RBPJ: variants seen among roughly 807,000 people sequenced by gnomAD.
RBPJ encodes recombining binding protein suppressor of hairless.
Under a neutral mutation model 67.8 loss-of-function variants are expected in RBPJ, and 9 were observed. That is an observed-to-expected ratio of 0.13 (90% CI 0.08 to 0.23). The LOEUF (loss-of-function observed/expected upper bound fraction) is 0.23. Ranked by LOEUF, RBPJ falls within the 10% of genes least tolerant of loss-of-function variation. The pLI is 1.00. For synonymous variants in RBPJ, 198 were observed against 203.3 expected (o/e 0.97, Z 0.22); for missense variants, 305 against 595.6 (o/e 0.51, Z 5.08).
intron 1 of RBPJ, among the ~76,000 whole-genome samples, chr4:26,287,900 C>T (rs932392294): frequency 1.3e-5 from 2 of 152,062 alleles, no homozygotes; most frequent in Non-Finnish European, 2.9e-5. Flanking sequence ...ATTTAAATGT[C>T]TTTGAGCATC....
At chr4:26,319,914 C>T (rs760849134), upstream of RBPJ, 57 of 1,587,080 alleles carry the variant, frequency 3.6e-5, no homozygotes, top group Non-Finnish European at 4.3e-5. Flanking sequence ...GGGATTCGGG[C>T]CCTTCACCCT....
chr4:26,302,912 G>A (rs1438755799), intron 1 of RBPJ, among the ~76,000 whole-genome samples: 3 of 152,038 alleles, frequency 2.0e-5, no homozygotes, highest in Non-Finnish European at 4.4e-5. Flanking sequence ...TGGGCGCAGT[G>A]GCCTACATCT....
intron 1 of RBPJ, among the ~76,000 whole-genome samples, chr4:26,285,561 A>G (rs757948845): frequency 1.3e-5 from 2 of 151,822 alleles, no homozygotes; most frequent in Non-Finnish European, 2.9e-5. Flanking sequence ...AAAAAATAGA[A>G]TGTGAGAGAA....
the RBPJ span, among the ~76,000 whole-genome samples, chr4:26,121,353 GC>G: frequency 6.6e-6 from 1 of 152,034 alleles, no homozygotes; most frequent in Non-Finnish European, 1.5e-5. Flanking sequence ...ACAAGTTTGT[GC>G]CCAAATAATT....
intron 1 of RBPJ, among the ~76,000 whole-genome samples, chr4:26,350,679 A>T (rs28393176): frequency 5.4e-4 from 83 of 152,342 alleles, no homozygotes; most frequent in African/African-American, 2.0e-3. Context: ...GCAAGAAGAA[A>T]CAGCAAATGT....
intron 1 of RBPJ, among the ~76,000 whole-genome samples, chr4:26,368,602 T>C (rs1728852769): frequency 1.3e-5 from 2 of 152,200 alleles, no homozygotes; most frequent in African/African-American, 2.4e-5. Context: ...GAGTGTACTT[T>C]AGAAGGAAAC....
chr4:26,359,750 G>C (rs556070393), intron 1 of RBPJ: 1 of 152,374 alleles, frequency 6.6e-6, no homozygotes, highest in Non-Finnish European at 1.5e-5. Context: ...GCCGCGAAGC[G>C]AGCTGGAGCT....
chr4:26,312,385 C>T (rs1173339400), intron 1 of RBPJ, among the ~76,000 whole-genome samples: 1 of 152,198 alleles, frequency 6.6e-6, no homozygotes, highest in East Asian at 1.9e-4. Context: ...CCTGCCTCGG[C>T]CTCCCAAAGT....
intron 1 of RBPJ, among the ~76,000 whole-genome samples, chr4:26,212,285 G>C (rs1718452352): frequency 6.6e-6 from 1 of 151,958 alleles, no homozygotes; most frequent in Middle Eastern, 3.2e-3. Context: ...ACATATGCAG[G>C]TTTCTGTCCA....
the RBPJ span, among the ~76,000 whole-genome samples, chr4:26,141,211 A>G: frequency 1.3e-5 from 2 of 152,264 alleles, no homozygotes; most frequent in African/African-American, 2.4e-5. Flanking sequence ...ACAGTAAATA[A>G]TCAATTTGCT....
intron 1 of RBPJ, among the ~76,000 whole-genome samples, chr4:26,376,688 A>G (rs528413589): frequency 5.3e-5 from 8 of 152,276 alleles, no homozygotes; most frequent in African/African-American, 1.9e-4. Flanking sequence ...TGTGTTTAGT[A>G]TTTTGAGGAA....
chr4:26,401,064 G>A (rs1348986092), intron 2 of RBPJ, among the ~76,000 whole-genome samples: 2 of 152,326 alleles, frequency 1.3e-5, no homozygotes, highest in East Asian at 3.9e-4. Context: ...TGCATTTTGT[G>A]TACTGTTGAA....
At chr4:26,369,275 A>G (rs1336136464) in intron 1 of RBPJ, among the ~76,000 whole-genome samples, 1 of 152,208 alleles carries the variant, frequency 6.6e-6, no homozygotes, top group African/African-American at 2.4e-5. Context: ...GTCATCACTG[A>G]ACTCTTGTGA....
chr4:26,274,543 T>A (rs1038362565), intron 1 of RBPJ, among the ~76,000 whole-genome samples: 9 of 152,016 alleles, frequency 5.9e-5, no homozygotes, highest in African/African-American at 2.2e-4. Context: ...AATGGGAGGA[T>A]CCCTTGAGCC....
At chr4:26,276,635 G>A (rs1292479200) in intron 1 of RBPJ, among the ~76,000 whole-genome samples, 1 of 152,116 alleles carries the variant, frequency 6.6e-6, no homozygotes, top group African/African-American at 2.4e-5. Context: ...CTGTTTCCAT[G>A]GGCTTGCTGA....
chr4:26,343,739 C>CTTTTTTTTTTTTTTTTTTTTTTT (rs71186404), intron 1 of RBPJ, among the ~76,000 whole-genome samples: 1 of 55,836 alleles, frequency 1.8e-5, no homozygotes, highest in Non-Finnish European at 3.3e-5. Context: ...TTTCTTTCTT[C>CTTTTTTTTTTTTTTTTTTTTTTT]TTTTTTTTTT....
intron 1 of RBPJ, chr4:26,362,776 T>C (rs1328098980): frequency 7.6e-6 from 5 of 659,446 alleles, no homozygotes; most frequent in African/African-American, 1.8e-5. Context: ...GATGTGGTTA[T>C]GGATTTATGG....
exon 1 of RBPJ, chr4:26,163,484 G>A (rs573977295): frequency 1.3e-5 from 2 of 150,432 alleles, no homozygotes; most frequent in African/African-American, 4.9e-5. Flanking sequence ...TTCCTTTGTT[G>A]CCAGGCAAAG....
intron 4 of RBPJ, among the ~76,000 whole-genome samples, chr4:26,416,071 A>C (rs1230696702): frequency 6.6e-6 from 1 of 152,216 alleles, no homozygotes; most frequent in Non-Finnish European, 1.5e-5. Flanking sequence ...CTGGGTTATA[A>C]CGATCATAAA....
Sources: gnomAD v4.1 joint callset for allele counts (sites outside exome capture counted in the v4.1 genomes callset) on GRCh38, gnomAD v4.1.1 for gene constraint, MANE v1.5 for transcripts, NCBI Gene and HGNC (gene_info 2026-07-23, HGNC 2026-07-21) for gene names.